Variants in LRRC63 observed in about 807,000 individuals in gnomAD.
LRRC63 encodes leucine rich repeat containing 63.
LRRC63 carries 40 observed loss-of-function variants against 49.5 expected under a neutral mutation model. That is an observed-to-expected ratio of 0.81 (90% CI 0.63 to 1.05). The LOEUF (loss-of-function observed/expected upper bound fraction) is 1.05, where lower values mean the gene tolerates loss of function less well. Among genes scored for constraint, LRRC63 ranks in the 50% least tolerant of loss-of-function variants. The pLI is 0.00. For synonymous variants in LRRC63, 191 were observed against 221.1 expected, an observed-to-expected ratio of 0.86 and a Z score of 1.21; for missense variants, 636 against 663.1, an observed-to-expected ratio of 0.96 and a Z score of 0.45.
At chr13:46,214,966 T>C (rs1462769258) in intron 2 of LRRC63, among the ~76,000 whole-genome samples, 1 of 152,256 alleles carries the variant, frequency 6.6e-6, no homozygotes. Flanking sequence ...GGCTGCATAG[T>C]ATTCCATGAT....
At chr13:46,264,477 G>T (rs74069618) in intron 8 of LRRC63, among the ~76,000 whole-genome samples, 1 of 151,682 alleles carries the variant, frequency 6.6e-6, no homozygotes, top group Non-Finnish European at 1.5e-5. Flanking sequence ...CTTCTACTTC[G>T]TCTTTGCCTC....
intron 7 of LRRC63, among the ~76,000 whole-genome samples, chr13:46,261,431 A>G (rs939136695): frequency 6.6e-6 from 1 of 152,214 alleles, no homozygotes; most frequent in Non-Finnish European, 1.5e-5. Flanking sequence ...TTATGCTTCC[A>G]CAAGCCGTGG....
chr13:46,235,678 G>A (rs979061727), intron 5 of LRRC63, among the ~76,000 whole-genome samples: 3 of 152,066 alleles, frequency 2.0e-5, no homozygotes, highest in Non-Finnish European at 2.9e-5. Context: ...CACGTCAGAT[G>A]GGTAATGTGC....
At chr13:46,216,265 C>T (rs968398960) in intron 2 of LRRC63, among the ~76,000 whole-genome samples, 11 of 152,080 alleles carry the variant, frequency 7.2e-5, no homozygotes, top group African/African-American at 2.4e-4. Flanking sequence ...AATGTTTTTC[C>T]ATTTGTTTGT....
intron 9 of LRRC63, chr13:46,270,717 A>G: frequency 1.7e-6 from 1 of 593,952 alleles, no homozygotes; most frequent in Non-Finnish European, 3.1e-6. Context: ...TGTGAAGCAT[A>G]CTTCACAGCC....
At chr13:46,227,549 C>T in exon 3 of LRRC63, 2 of 1,541,798 alleles carry the variant, frequency 1.3e-6, no homozygotes, top group Non-Finnish European at 1.7e-6. Context: ...ATGTAGCATT[C>T]ACTGAAGATG....
chr13:46,258,010 A>G (rs1184739254), intron 7 of LRRC63, among the ~76,000 whole-genome samples: 2 of 152,138 alleles, frequency 1.3e-5, no homozygotes, highest in South Asian at 2.1e-4. Context: ...CATTCCTAAC[A>G]AGATCTTTCT....
intron 8 of LRRC63, among the ~76,000 whole-genome samples, chr13:46,263,586 C>T (rs1252584257): frequency 6.6e-6 from 1 of 152,124 alleles, no homozygotes. Context: ...GTCTGTCTCC[C>T]CACTGCTGCC....
At position 46,262,009 on chromosome 13, in the gene LRRC63, C is replaced by A; in HGVS notation, c.1310+17C>A. 3.3e-6 allele frequency: 3 copies of A among 913,984 alleles called. No individual in the cohort carries two copies. Among genetic ancestry groups the A allele is most frequent in the South Asian group, 5.3e-5 (1 of 19,006 alleles). 56.6% of individuals were successfully genotyped at this position (913,984 alleles called of 1,614,324 possible). Reference sequence around the variant, plus strand: ...GAAACTCAGGTATTTTGGAAGTACACAGAAAGTTATATGCCCCTTAATTAT... The same window carrying A: ...GAAACTCAGGTATTTTGGAAGTACAAAGAAAGTTATATGCCCCTTAATTAT... On this transcript the variant is annotated intron_variant, in intron 8 of 9. Coordinates refer to ENST00000595396, the Ensembl canonical transcript of LRRC63.
intron 2 of LRRC63, among the ~76,000 whole-genome samples, chr13:46,220,537 C>A (rs1023411471): frequency 7.9e-5 from 12 of 152,124 alleles, no homozygotes; most frequent in African/African-American, 2.7e-4. Context: ...GCTTGCTCAG[C>A]TCCATGGGGG....
chr13:46,266,150 A>C (rs2047681832), intron 8 of LRRC63, among the ~76,000 whole-genome samples: 1 of 152,212 alleles, frequency 6.6e-6, no homozygotes, highest in African/African-American at 2.4e-5. Context: ...ACTAATTAGA[A>C]AGGAGATACA....
At chr13:46,227,363 C>T in intron 2 of LRRC63, 149 bp from the exon 3 acceptor site, 5 of 547,550 alleles carry the variant, frequency 9.1e-6, no homozygotes, top group Non-Finnish European at 1.5e-5. Context: ...CATGTCAACA[C>T]ACATCCTGGT....
chr13:46,270,097 C>T (rs949246845), intron 9 of LRRC63: 5 of 625,250 alleles, frequency 8.0e-6, no homozygotes, highest in African/African-American at 5.5e-5. Flanking sequence ...AGCGCCAAAC[C>T]GCAGAGCCGG....
In LRRC63 at chr13:46,215,624, A is replaced by G. The variant is rs2046229437; in HGVS notation, c.85+2505A>G. The stretch of plus-strand genomic sequence containing the variant: ...TGCAAAAGCTCTTTAGTTTAACTAG[A>G]TCCCATTTTGTCAGTTTTGGCTTTG... On this transcript the variant is annotated intron_variant, in intron 2 of 9. Transcript: ENST00000595396. 2.0e-5 allele frequency among the ~76,000 whole-genome samples: 3 copies of G among 152,060 alleles called. No individual in the cohort carries two copies. The South Asian group carries it at 6.2e-4, about 31-fold the overall frequency.
At chr13:46,237,949 A>G (rs1407925349) in intron 5 of LRRC63, among the ~76,000 whole-genome samples, 1 of 152,186 alleles carries the variant, frequency 6.6e-6, no homozygotes, top group Non-Finnish European at 1.5e-5. Flanking sequence ...ATCAGTAACA[A>G]AAAACTTCCA....
Position 46,213,124 on chromosome 13 carries a change from G to A in LRRC63, c.85+5G>A. ...ATGAGAAAAAAACCCATACAGGTAT[G>A]TGTATTAATCAGATATGTGTATTAA... is the stretch of plus-strand genomic sequence containing the variant. On this transcript the variant is annotated splice_donor_5th_base_variant and intron_variant, in intron 2 of 9. Transcript: ENST00000595396. The A allele has an allele frequency of 6.6e-7, 1 of 1,517,480 alleles. No homozygotes were observed. The allele number at this position is 1,517,480 out of a possible 1,614,324, so 94.0% of individuals were successfully genotyped here. A position where few individuals can be genotyped will look rare whatever the true frequency, so the allele number is the denominator to read the frequency against.
At chr13:46,258,635 C>T (rs575922893) in intron 7 of LRRC63, among the ~76,000 whole-genome samples, 1 of 150,066 alleles carries the variant, frequency 6.7e-6, no homozygotes, top group South Asian at 2.1e-4. Context: ...TGGTGAAACC[C>T]CATCTCTACT....
chr13:46,271,829 G>GT (rs2047763485), intron 9 of LRRC63, among the ~76,000 whole-genome samples: 1 of 151,594 alleles, frequency 6.6e-6, no homozygotes, highest in African/African-American at 2.4e-5. Flanking sequence ...TGTAAGGGCT[G>GT]TAACACATAA....
chr13:46,266,841 T>A (rs1164002418), exon 9 of LRRC63: 2 of 1,549,852 alleles, frequency 1.3e-6, no homozygotes, highest in African/African-American at 1.4e-5. Flanking sequence ...TCACTCATCC[T>A]TGTTTTTGGA....
Sources: allele counts gnomAD v4.1 joint callset (sites outside exome capture counted in the v4.1 genomes callset), GRCh38; gene constraint gnomAD v4.1.1; transcripts MANE v1.5; gene names NCBI Gene and HGNC (gene_info 2026-07-23, HGNC 2026-07-21).